MAP9: variants seen among roughly 807,000 people sequenced by gnomAD.
The protein encoded by MAP9 is microtubule-associated protein 9.
A neutral mutation model predicts 75.2 loss-of-function variants in MAP9; 80 were observed. The observed-to-expected ratio is 1.06, with a 90% CI of 0.89 to 1.28. The LOEUF (loss-of-function observed/expected upper bound fraction) is 1.28, where lower values mean the gene tolerates loss of function less well. MAP9 is among the 50% of genes most tolerant of loss of function. The pLI is 0.00. For synonymous variants in MAP9, 235 were observed against 237.3 expected (o/e 0.99, Z 0.09); for missense variants, 753 against 719.9 (o/e 1.05, Z -0.53).
chr4:155,348,630 CT>C (rs1197991800), intron 13 of MAP9, among the ~76,000 whole-genome samples: 2 of 151,994 alleles, frequency 1.3e-5, no homozygotes, highest in African/African-American at 2.4e-5. Context: ...AAAATTCTGC[CT>C]CATGTTTCTT....
rs544003271 is a variant in MAP9, at chr4:155,352,922, C to G, written c.1678G>C (p.Val560Leu). The G allele has an allele frequency of 6.5e-5, 100 of 1,531,476 alleles. 1 individual carries two copies. In the South Asian group the frequency reaches 1.2e-3, roughly 18 times the overall value. 94.9% of individuals were successfully genotyped at this position (1,531,476 alleles called of 1,614,324 possible). ...ATGATTTTGGATTACCATTTCTCAA[C>G]AGCAGTTAAATTATCTTTCTTTTTC... The part of the protein sequence containing the change: ...AEKKKDNLTA[V>L]EKWNEKKEAF... Residue 560 changes from valine to leucine, a missense_variant, in exon 12 of 14, where the codon GTT becomes CTT. Coordinates refer to ENST00000311277, the MANE Select transcript of MAP9 (RefSeq NM_001039580.2).
chr4:155,368,662 G>A lies in MAP9; in HGVS notation c.632C>T (p.Pro211Leu). ...GCCATTCGGCGTTGGAAGGGAAGAA[G>A]GTGCAGAATGTAACTCCAATTCTTC... ...LSEELELHSA[P>L]SSLPTPNGIQ... The change falls in exon 5 of 14, where the codon CCT becomes CTT. Residue 211 changes from proline to leucine, a missense_variant. Coordinates refer to ENST00000311277, the MANE Select transcript of MAP9 (RefSeq NM_001039580.2). 6.2e-7 allele frequency: 1 copy of A among 1,614,160 alleles called. No individual in the cohort carries two copies. Among genetic ancestry groups the A allele is most frequent in the Non-Finnish European group, 8.5e-7 (1 of 1,180,020 alleles).
rs1429932908 is a variant in MAP9, at chr4:155,345,129, T to A, written c.*2654A>T. On this transcript the variant is annotated 3_prime_UTR_variant, in exon 14 of 14. Transcript: ENST00000311277. ...ATAGGTAAATGTATATTCAAGAGAATATTACCAAGCTTGATTCTCTCCCTT... is the reference window on the plus strand; with the variant it reads ...ATAGGTAAATGTATATTCAAGAGAAAATTACCAAGCTTGATTCTCTCCCTT... 1 of 151,974 alleles carries A rather than the reference T, an allele frequency of 6.6e-6. No individual in the cohort carries two copies. Among genetic ancestry groups the A allele is most frequent in the African/African-American group, 2.4e-5 (1 of 41,418 alleles). 9.4% of individuals were successfully genotyped at this position (151,974 alleles called of 1,614,324 possible). A position where few individuals can be genotyped will look rare whatever the true frequency, so the allele number is the denominator to read the frequency against.
chr4:155,373,532 T>G (rs1371287155), intron 3 of MAP9, 76 bp from the exon 4 acceptor site: 1 of 1,002,504 alleles, frequency 1.0e-6, no homozygotes, highest in Non-Finnish European at 1.4e-6. Context: ...TAATCAAAGT[T>G]TACCTTAAAA....
Position 155,344,205 on chromosome 4 carries a change from G to A in MAP9, c.*3578C>T, listed in dbSNP as rs1038397167. 5 of 151,850 alleles carry A rather than the reference G, an allele frequency of 3.3e-5. No individual in the cohort carries two copies. Among genetic ancestry groups the A allele is most frequent in the African/African-American group, 1.2e-4 (5 of 41,404 alleles). 9.4% of individuals were successfully genotyped at this position (151,850 alleles called of 1,614,324 possible). On this transcript the variant is annotated 3_prime_UTR_variant, in exon 14 of 14. Transcript: ENST00000311277. ...AAAGTGTAGGTACCCAAATAGCTTT[G>A]ATCTGGTGGACAGTTATGAAGGCAG...
At chr4:155,356,482 C>G (rs530670991) in intron 8 of MAP9, among the ~76,000 whole-genome samples, 1 of 152,062 alleles carries the variant, frequency 6.6e-6, no homozygotes, top group East Asian at 1.9e-4. Flanking sequence ...TAATTAGAAA[C>G]TTAAGAAATA....
intron 13 of MAP9, among the ~76,000 whole-genome samples, chr4:155,349,004 CAGAT>C (rs1313836193): frequency 6.6e-6 from 1 of 152,130 alleles, no homozygotes; most frequent in Non-Finnish European, 1.5e-5. Context: ...AAATAAACAA[CAGAT>C]AATTCCAAAT....
intron 4 of MAP9, among the ~76,000 whole-genome samples, chr4:155,370,390 C>T (rs62325866): frequency 0.17 from 26,339 of 152,110 alleles, 2,934 homozygotes; most frequent in South Asian, 0.28. Context: ...CAACATAAAA[C>T]GGATTTTATG....
At chr4:155,370,601 A>C (rs1284476331) in intron 4 of MAP9, among the ~76,000 whole-genome samples, 3 of 152,134 alleles carry the variant, frequency 2.0e-5, no homozygotes, top group African/African-American at 7.2e-5. Context: ...TTTGAGCCTC[A>C]GTTTAAGCAG....
chr4:155,373,642 T>C (rs1413268680), intron 3 of MAP9, among the ~76,000 whole-genome samples, 186 bp from the exon 4 acceptor site: 2 of 152,218 alleles, frequency 1.3e-5, no homozygotes, highest in Non-Finnish European at 1.5e-5. Flanking sequence ...CTCATTAACA[T>C]TTATGAAATA....
rs1267591222 is a variant in MAP9, at chr4:155,343,051, T to C, written c.*4732A>G. 6.6e-6 allele frequency: 1 copy of C among 152,012 alleles called. No homozygotes were observed. The highest frequency in any genetic ancestry group is 1.5e-5 in the Non-Finnish European group (1 of 67,920). 9.4% of individuals were successfully genotyped at this position (152,012 alleles called of 1,614,324 possible). The stretch of plus-strand genomic sequence containing the variant: ...AGCATCTAAAATTATTAGAAAATTA[T>C]ATTAGCATGGAAATATGTTCATGAT... On this transcript the variant is annotated 3_prime_UTR_variant, in exon 14 of 14. Transcript: ENST00000311277.
chr4:155,345,440 T>C lies in MAP9; in HGVS notation c.*2343A>G, dbSNP rs545951475. The C allele has an allele frequency of 1.1e-5, 1 of 90,930 alleles. No homozygotes were observed. The highest frequency in any genetic ancestry group is 3.1e-4 in the South Asian group (1 of 3,268). The allele number at this position is 90,930 out of a possible 1,614,324, so 5.6% of individuals were successfully genotyped here. On this transcript the variant is annotated 3_prime_UTR_variant, in exon 14 of 14. Coordinates refer to ENST00000311277, the MANE Select transcript of MAP9 (RefSeq NM_001039580.2). ...CCTAATACAAGGCATCTTTCTGTTTTTTTGTTTTGTTTTGTTTTGTTTTGT... is the reference window on the plus strand; with the variant it reads ...CCTAATACAAGGCATCTTTCTGTTTCTTTGTTTTGTTTTGTTTTGTTTTGT...
chr4:155,362,046 A>G lies in MAP9; in HGVS notation c.802+2T>C. On this transcript the variant is annotated splice_donor_variant, in intron 6 of 13. Transcript: ENST00000311277. LOFTEE classifies it high-confidence loss of function. ...TAAGATATAATTATTAGATATAACC[A>G]CCTTTTCCAGATGCGTTTCCCTCAG... 1 of 1,569,974 alleles carries G rather than the reference A, an allele frequency of 6.4e-7. No homozygotes were observed. Among genetic ancestry groups the G allele is most frequent in the Non-Finnish European group, 8.7e-7 (1 of 1,148,460 alleles).
rs976562379 is a variant in MAP9 at position 155,359,583 on chromosome 4, A to G, written c.1050+585T>C. Reference sequence around the variant, plus strand: ...TAACCATTAAATTTACATGAATTGAAAAAAGAAAAAACAAAGCAACTTCAT... The same window carrying G: ...TAACCATTAAATTTACATGAATTGAGAAAAGAAAAAACAAAGCAACTTCAT... On this transcript the variant is annotated intron_variant, in intron 7 of 13. Transcript: ENST00000311277. Among the ~76,000 whole-genome samples, 4 of 152,026 alleles carry G rather than the reference A, an allele frequency of 2.6e-5. No homozygotes were observed. The East Asian group carries it at 7.7e-4, about 29-fold the overall frequency.
At chr4:155,367,506 T>G (rs957494133) in intron 5 of MAP9, 6 of 152,282 alleles carry the variant, frequency 3.9e-5, no homozygotes, top group African/African-American at 1.4e-4. Flanking sequence ...TTGTTTTAAG[T>G]TAACCAGTTT....
At chr4:155,369,968 A>C (rs1016076115) in intron 4 of MAP9, among the ~76,000 whole-genome samples, 2 of 152,206 alleles carry the variant, frequency 1.3e-5, no homozygotes, top group Admixed American at 1.3e-4. Context: ...TCTCAACTTC[A>C]AAATTGGTCT....
At chr4:155,352,456 G>C in intron 13 of MAP9, 140 bp downstream of exon 13, 1 of 768,004 alleles carries the variant, frequency 1.3e-6, no homozygotes, top group East Asian at 3.0e-5. Context: ...CTATATGCAG[G>C]AGGAGAGCTT....
intron 13 of MAP9, 83 bp from the exon 14 acceptor site, chr4:155,347,988 T>C (rs990702307): frequency 2.4e-6 from 2 of 843,386 alleles, no homozygotes; most frequent in Non-Finnish European, 3.7e-6. Context: ...AAGAACAAAA[T>C]AATCCATTAT....
At chr4:155,374,137 G>A (rs1440768613) in intron 3 of MAP9, among the ~76,000 whole-genome samples, 1 of 152,038 alleles carries the variant, frequency 6.6e-6, no homozygotes, top group Non-Finnish European at 1.5e-5. Flanking sequence ...TCAGGAGTTC[G>A]AGACCAGCCT....
Sources: gnomAD v4.1 joint callset for allele counts (sites outside exome capture counted in the v4.1 genomes callset) on GRCh38, gnomAD v4.1.1 for gene constraint, MANE v1.5 for transcripts, NCBI Gene and HGNC (gene_info 2026-07-23, HGNC 2026-07-21) for gene names.